The following GPSM1 variants were observed in gnomAD, a reference collection of about 807,000 sequenced individuals.
GPSM1 encodes the protein G protein signaling modulator 1.
A neutral mutation model predicts 70.5 loss-of-function variants in GPSM1; 48 were observed. The observed-to-expected ratio is 0.68, with a 90% CI of 0.54 to 0.87. The LOEUF (loss-of-function observed/expected upper bound fraction) is 0.87, where lower values mean the gene tolerates loss of function less well. Among genes scored for constraint, GPSM1 ranks in the 40% least tolerant of loss-of-function variants. The probability of loss-of-function intolerance (pLI) is 0.00; values close to 1 mark genes in which losing one functional copy is unlikely to be tolerated. For missense variants in GPSM1, 981 were observed against 972.6 expected, an observed-to-expected ratio of 1.01 and a Z score of -0.11; for synonymous variants, 416 against 430.1, an observed-to-expected ratio of 0.97 and a Z score of 0.41.
At chr9:136,354,760 C>CG in intron 11 of GPSM1, 1 of 923,240 alleles carries the variant, frequency 1.1e-6, no homozygotes. Flanking sequence ...AGGCCCAGGG[C>CG]GGGGTTCATT....
rs75308883 is a variant in GPSM1 at position 136,330,368 on chromosome 9, A to G, written c.68+2605A>G. On this transcript the variant is annotated intron_variant, in intron 1 of 13. Transcript: ENST00000440944. ...CATGGCCATGCTACCCCCTACCTTCACTCCATCCTTCCTCCCTCCCCTGTC... is the reference window on the plus strand; with the variant it reads ...CATGGCCATGCTACCCCCTACCTTCGCTCCATCCTTCCTCCCTCCCCTGTC... 5.6e-3 allele frequency among the ~76,000 whole-genome samples: 814 copies of G among 144,682 alleles called. 6 individuals are homozygous for G. The highest frequency in any genetic ancestry group is 0.019 in the African/African-American group (767 of 40,142). The allele number at this position is 144,682 out of a possible 152,430, so 94.9% of individuals were successfully genotyped here. A position where few individuals can be genotyped will look rare whatever the true frequency, so the allele number is the denominator to read the frequency against.
In GPSM1 at chr9:136,338,466, A is replaced by G. The variant is rs879983057; in HGVS notation, c.819-89A>G. 11 of 1,266,202 alleles carry G rather than the reference A, an allele frequency of 8.7e-6. No homozygotes were observed. The South Asian group carries it at 1.2e-4, about 13-fold the overall frequency. The allele number at this position is 1,266,202 out of a possible 1,614,324, so 78.4% of individuals were successfully genotyped here. A position where few individuals can be genotyped will look rare whatever the true frequency, so the allele number is the denominator to read the frequency against. On this transcript the variant is annotated intron_variant, in intron 6 of 13. Coordinates refer to ENST00000440944, the MANE Select transcript of GPSM1 (RefSeq NM_001145638.3). Reference sequence around the variant, plus strand: ...CCCCAGTGGGATTCCGGGGCAGGGGACCATCGGGCAGACTGCGTCCCCATT... The same window carrying G: ...CCCCAGTGGGATTCCGGGGCAGGGGGCCATCGGGCAGACTGCGTCCCCATT...
intron 4 of GPSM1, 147 bp from the exon 5 acceptor site, chr9:136,337,294 C>A (rs1310785523): frequency 7.7e-7 from 1 of 1,294,932 alleles, no homozygotes; most frequent in Non-Finnish European, 1.0e-6. Context: ...GGTCTCAGAG[C>A]TCGAGGACCC....
chr9:136,357,535 C>G (rs1433686004), intron 13 of GPSM1, among the ~76,000 whole-genome samples: 1 of 152,250 alleles, frequency 6.6e-6, no homozygotes, highest in Non-Finnish European at 1.5e-5. Flanking sequence ...GGGTCAGCCA[C>G]CTGACACAAG....
At position 136,334,487 on chromosome 9, in the gene GPSM1, C is replaced by T. The variant is rs140085951; in HGVS notation, c.109C>T (p.Arg37Cys). The change falls in exon 2 of 14, where the codon CGT becomes TGT. Residue 37 changes from arginine to cysteine, a missense_variant. Physicochemically the swap from Arg to Cys is radical, Grantham distance 180. Transcript: ENST00000440944. The part of the protein sequence containing the change: ...SCLELALEGE[R>C]LCKAGDFKTG... The stretch of plus-strand genomic sequence containing the variant: ...CCTAGAGCTGGCGCTGGAGGGCGAG[C>T]GTCTGTGCAAGGCGGGCGACTTCAA... The T allele has an allele frequency of 4.3e-6, 7 of 1,612,954 alleles. No individual in the cohort carries two copies. Among genetic ancestry groups the T allele is most frequent in the Admixed American group, 3.3e-5 (2 of 60,014 alleles).
chr9:136,344,598 C>T (rs1255548588), intron 9 of GPSM1, among the ~76,000 whole-genome samples: 1 of 152,246 alleles, frequency 6.6e-6, no homozygotes, highest in Non-Finnish European at 1.5e-5. Context: ...ACCTCAGGAC[C>T]TCCTAACACC....
intron 1 of GPSM1, among the ~76,000 whole-genome samples, chr9:136,331,665 G>T (rs911704591): frequency 3.9e-5 from 6 of 152,218 alleles, no homozygotes; most frequent in Non-Finnish European, 5.9e-5. Flanking sequence ...GCTGGGAACT[G>T]GATAAACGTT....
chr9:136,334,447 G>A lies in GPSM1; in HGVS notation c.69G>A (p.Arg23=), dbSNP rs782453792. 50 of 1,610,834 alleles carry A rather than the reference G, an allele frequency of 3.1e-5. 1 individual carries two copies. The South Asian group carries it at 5.3e-4, about 17-fold the overall frequency. ...PGPAARRLYS[R]MEASCLELAL... is the part of the protein sequence containing the mutation. ...CATGACGCCAAGTTCCTCTGCACAG[G>A]ATGGAGGCGTCCTGCCTAGAGCTGG... Residue 23 remains arginine (R), a splice_region_variant and synonymous_variant, in exon 2 of 14, where the codon AGG becomes AGA. Coordinates refer to ENST00000440944, the MANE Select transcript of GPSM1 (RefSeq NM_001145638.3).
In GPSM1 at chr9:136,343,079, C is replaced by T. The variant is rs544776412; in HGVS notation, c.1207+2086C>T. ...ATTAATCTCACCGCCCTCTGCTGGC[C>T]CCTCCCCAGCCAGCAGAGAAGCCCC... On this transcript the variant is annotated intron_variant, in intron 9 of 13. Coordinates refer to ENST00000440944, the MANE Select transcript of GPSM1 (RefSeq NM_001145638.3). This position sits in a 1 kb window ranked among gnomAD's most constrained non-coding sequence, Gnocchi z 6.0. 5.2e-4 allele frequency among the ~76,000 whole-genome samples: 79 copies of T among 152,228 alleles called. No individual in the cohort carries two copies. Among genetic ancestry groups the T allele is most frequent in the Non-Finnish European group, 9.9e-4 (67 of 68,004 alleles).
At chr9:136,349,862 G>T in intron 11 of GPSM1, 99 bp downstream of exon 11, 1 of 1,190,230 alleles carries the variant, frequency 8.4e-7, no homozygotes, top group Non-Finnish European at 1.2e-6. Context: ...TCAGGCCCGG[G>T]CACTCCGGGG....
At chr9:136,357,922 T>C (rs559123250) in intron 13 of GPSM1, 92 bp from the exon 14 acceptor site, 3 of 986,426 alleles carry the variant, frequency 3.0e-6, no homozygotes, top group East Asian at 4.9e-5. Flanking sequence ...CCGTGAACAG[T>C]GCACGCTGGC....
rs782256944 is a variant in GPSM1, at chr9:136,337,540, A to G, written c.678A>G (p.Thr226=). 6 of 1,558,504 alleles carry G rather than the reference A, an allele frequency of 3.8e-6. No individual in the cohort carries two copies. Among genetic ancestry groups the G allele is most frequent in the Non-Finnish European group, 4.3e-6 (5 of 1,151,296 alleles). Residue 226 remains threonine (T), a synonymous_variant, in exon 5 of 14, where the codon ACA becomes ACG. Coordinates refer to ENST00000440944, the MANE Select transcript of GPSM1 (RefSeq NM_001145638.3). ...GNTHYLLGNF[T]EATTFHKERL... The stretch of plus-strand genomic sequence containing the variant: ...CCCACTATTTGTTGGGGAACTTCAC[A>G]GAGGCCACGACCTTCCACAAGGAGG...
At chr9:136,344,549 C>T (rs1236359061) in intron 9 of GPSM1, among the ~76,000 whole-genome samples, 1 of 152,172 alleles carries the variant, frequency 6.6e-6, no homozygotes, top group Admixed American at 6.5e-5. Flanking sequence ...CTTAAGGCCA[C>T]TTGTCATTAT....
In GPSM1 at chr9:136,341,637, C is replaced by T. The variant is rs975908901; in HGVS notation, c.1207+644C>T. On this transcript the variant is annotated intron_variant, in intron 9 of 13. Transcript: ENST00000440944. The surrounding 1 kb of genome is among the most constrained non-coding windows in gnomAD (Gnocchi z 6.7). ...TGAGGGGCAGGCTTGGGGGGAGCAG[C>T]TGCCCCACCCATGTGTCCCCCACTC... is the stretch of plus-strand genomic sequence containing the variant. 13 of 1,004,772 alleles carry T rather than the reference C, an allele frequency of 1.3e-5. No individual in the cohort carries two copies. The South Asian group carries it at 5.0e-4, about 39-fold the overall frequency. The allele number at this position is 1,004,772 out of a possible 1,614,324, so 62.2% of individuals were successfully genotyped here. A position where few individuals can be genotyped will look rare whatever the true frequency, so the allele number is the denominator to read the frequency against.
At chr9:136,328,991 G>A (rs1832042978) in intron 1 of GPSM1, among the ~76,000 whole-genome samples, 1 of 145,196 alleles carries the variant, frequency 6.9e-6, no homozygotes. Context: ...GGAGCTGTGA[G>A]AGAGTGTGTG....
intron 9 of GPSM1, 49 bp from the exon 10 acceptor site, chr9:136,348,648 T>C: frequency 7.0e-7 from 1 of 1,424,044 alleles, no homozygotes; most frequent in Non-Finnish European, 9.8e-7. Flanking sequence ...GCCCACCCAA[T>C]GCGAGGTGCC....
intron 3 of GPSM1, 111 bp downstream of exon 3, chr9:136,336,212 G>A (rs1381003840): frequency 2.3e-5 from 29 of 1,272,734 alleles, no homozygotes; most frequent in Admixed American, 8.3e-5. Flanking sequence ...CTCATGGGAG[G>A]GATGACAGGG....
intron 1 of GPSM1, among the ~76,000 whole-genome samples, chr9:136,333,477 G>A (rs1436640632): frequency 4.0e-5 from 6 of 151,872 alleles, no homozygotes; most frequent in Non-Finnish European, 5.9e-5. Context: ...GCCCAGGGTG[G>A]GGGTCCCTCG....
At chr9:136,337,364 C>A in intron 4 of GPSM1, 77 bp from the exon 5 acceptor site, 3 of 1,536,796 alleles carry the variant, frequency 2.0e-6, no homozygotes, top group Non-Finnish European at 2.6e-6. Flanking sequence ...ATGGAGGCCG[C>A]TACTCAGCTC....
Sources: gnomAD v4.1 joint callset for allele counts (sites outside exome capture counted in the v4.1 genomes callset) on GRCh38, gnomAD v4.1.1 for gene constraint, Gnocchi (gnomAD v3.1) non-coding constraint, MANE v1.5 for transcripts, NCBI Gene and HGNC (gene_info 2026-07-23, HGNC 2026-07-21) for gene names.